TASP1: variants seen among roughly 807,000 people sequenced by gnomAD.
The protein encoded by TASP1 is threonine aspartase 1.
In TASP1, 16 loss-of-function variants were observed where a neutral mutation model predicts 56.6. The observed-to-expected ratio is 0.28, with a 90% CI of 0.19 to 0.43. TASP1 has a LOEUF of 0.43. Among genes scored for constraint, TASP1 ranks in the 20% least tolerant of loss-of-function variants. The pLI is 1.00. For missense variants in TASP1, 393 were observed against 511.6 expected (o/e 0.77, Z 2.24); for synonymous variants, 179 against 184.2 (o/e 0.97, Z 0.23).
chr20:13,381,715 AGG>A, the TASP1 span, among the ~76,000 whole-genome samples: 1 of 152,102 alleles, frequency 6.6e-6, no homozygotes, highest in Non-Finnish European at 1.5e-5. Context: ...TTCTTTGGAG[AGG>A]GCATCAGTGC....
At chr20:13,381,388 C>T in the TASP1 span, among the ~76,000 whole-genome samples, 1 of 152,326 alleles carries the variant, frequency 6.6e-6, no homozygotes, top group Admixed American at 6.5e-5. Context: ...GCTTCTAACC[C>T]TTCATGGGCC....
intron 13 of TASP1, among the ~76,000 whole-genome samples, chr20:13,396,237 A>C (rs1333036305): frequency 6.6e-6 from 1 of 152,206 alleles, no homozygotes; most frequent in South Asian, 2.1e-4. Context: ...TCTTTCAAAA[A>C]GACACAATTT....
chr20:13,402,282 C>T (rs538837978), intron 13 of TASP1, among the ~76,000 whole-genome samples: 5 of 152,286 alleles, frequency 3.3e-5, no homozygotes, highest in Admixed American at 2.6e-4. Context: ...AAATTACCAA[C>T]GACTGTTAGA....
chr20:13,546,610 C>T (rs6042211), intron 8 of TASP1, among the ~76,000 whole-genome samples: 106,295 of 151,932 alleles, frequency 0.7, 37,296 homozygotes, highest in African/African-American at 0.73. Context: ...GGGTCCATTC[C>T]TTTTCTTGGC....
the TASP1 span, among the ~76,000 whole-genome samples, chr20:13,242,448 G>A: frequency 6.6e-6 from 1 of 152,200 alleles, no homozygotes; most frequent in Non-Finnish European, 1.5e-5. Context: ...GGAGAAGGTT[G>A]AGGGGATGTT....
intron 6 of TASP1, among the ~76,000 whole-genome samples, chr20:13,579,580 T>C (rs1446487717): frequency 6.6e-6 from 1 of 152,062 alleles, no homozygotes; most frequent in African/African-American, 2.4e-5. Flanking sequence ...CTCGATCTCC[T>C]GATCTCGTGA....
intron 10 of TASP1, among the ~76,000 whole-genome samples, chr20:13,503,888 T>G (rs2044038003): frequency 6.6e-6 from 1 of 151,868 alleles, no homozygotes; most frequent in Non-Finnish European, 1.5e-5. Context: ...TGAAAGAATC[T>G]GTGAACTCAA....
chr20:13,442,965 A>C (rs1281300512), intron 11 of TASP1, among the ~76,000 whole-genome samples: 1 of 152,170 alleles, frequency 6.6e-6, no homozygotes, highest in African/African-American at 2.4e-5. Flanking sequence ...TGCACTCTTC[A>C]GTTTTTTCAT....
the TASP1 span, among the ~76,000 whole-genome samples, chr20:13,359,579 G>A: frequency 6.6e-6 from 1 of 150,952 alleles, no homozygotes. Context: ...TCAAGGACCT[G>A]TTTCCCTTGC....
At chr20:13,260,133 A>C in the TASP1 span, among the ~76,000 whole-genome samples, 8,347 of 152,318 alleles carry the variant, frequency 0.055, 279 homozygotes, top group East Asian at 0.18. Context: ...TCCAAACAGG[A>C]ACAATCTGTA....
chr20:13,544,089 C>T (rs574440262), intron 8 of TASP1, among the ~76,000 whole-genome samples: 4 of 152,232 alleles, frequency 2.6e-5, no homozygotes, highest in South Asian at 2.1e-4. Context: ...GGAAGTTTTG[C>T]GTGCCCTTTA....
the TASP1 span, among the ~76,000 whole-genome samples, chr20:13,329,507 C>A: frequency 1.1e-4 from 16 of 152,180 alleles, no homozygotes; most frequent in African/African-American, 3.9e-4. Flanking sequence ...CAGTCTGTGG[C>A]ACTTTGTTAC....
intron 10 of TASP1, among the ~76,000 whole-genome samples, chr20:13,503,593 CAT>C (rs1470583612): frequency 6.6e-6 from 1 of 151,946 alleles, no homozygotes; most frequent in Non-Finnish European, 1.5e-5. Context: ...ATCAAAGAAA[CAT>C]AATAATATCC....
At chr20:13,573,641 T>C (rs961046809) in intron 6 of TASP1, among the ~76,000 whole-genome samples, 4 of 152,182 alleles carry the variant, frequency 2.6e-5, no homozygotes, top group African/African-American at 9.7e-5. Flanking sequence ...TATTATAATC[T>C]AGAAAGTGAA....
chr20:13,569,420 C>T (rs1414913775), intron 7 of TASP1, 87 bp downstream of exon 7: 1 of 943,544 alleles, frequency 1.1e-6, no homozygotes, highest in Admixed American at 2.5e-5. Flanking sequence ...CCATAAATAT[C>T]TGTACTACAT....
At chr20:13,347,062 T>A in the TASP1 span, among the ~76,000 whole-genome samples, 1 of 152,198 alleles carries the variant, frequency 6.6e-6, no homozygotes, top group Non-Finnish European at 1.5e-5. Context: ...ACTGAAAAGG[T>A]GTTATGAAAC....
chr20:13,549,499 T>C lies in TASP1; in HGVS notation c.675+9509A>G, dbSNP rs548938178. 2.0e-5 allele frequency among the ~76,000 whole-genome samples: 3 copies of C among 152,192 alleles called. No homozygotes were observed. The East Asian group carries it at 5.8e-4, about 29-fold the overall frequency. ...TAATGCACTCATTTATTCTGCTGTC[T>C]TATTAGCTATACATGTGTCAGCATC... is the stretch of plus-strand genomic sequence containing the variant. On this transcript the variant is annotated intron_variant, in intron 8 of 13. Coordinates refer to ENST00000337743, the MANE Select transcript of TASP1 (RefSeq NM_017714.3).
At chr20:13,573,786 T>C (rs2046799404) in intron 6 of TASP1, among the ~76,000 whole-genome samples, 1 of 152,108 alleles carries the variant, frequency 6.6e-6, no homozygotes, top group African/African-American at 2.4e-5. Flanking sequence ...CGTTAAGACA[T>C]TAGGCATAGG....
intron 2 of TASP1, 32 bp downstream of exon 2, chr20:13,629,902 T>C (rs199652518): frequency 6.1e-5 from 98 of 1,610,838 alleles, no homozygotes; most frequent in Non-Finnish European, 6.9e-5. Flanking sequence ...ATCAACATTA[T>C]TGGCATCTTC....
Sources: gnomAD v4.1 joint callset for allele counts (sites outside exome capture counted in the v4.1 genomes callset) on GRCh38, gnomAD v4.1.1 for gene constraint, MANE v1.5 for transcripts, NCBI Gene and HGNC (gene_info 2026-07-23, HGNC 2026-07-21) for gene names.